Variants in TBC1D8 observed in about 807,000 individuals in gnomAD.
TBC1D8 encodes BUB2-like protein 1.
Under a neutral mutation model 118.8 loss-of-function variants are expected in TBC1D8, and 65 were observed. The observed-to-expected ratio is 0.55, with a 90% CI of 0.45 to 0.67. The LOEUF (loss-of-function observed/expected upper bound fraction) is 0.67, where lower values mean the gene tolerates loss of function less well. Among genes scored for constraint, TBC1D8 ranks in the 30% least tolerant of loss-of-function variants. TBC1D8 has a pLI of 0.00. For missense variants in TBC1D8, 1,376 were observed against 1,471.2 expected (o/e 0.94, Z 1.06); for synonymous variants, 566 against 595.8 (o/e 0.95, Z 0.73).
At chr2:101,018,984 T>G in intron 17 of TBC1D8, 1 of 1,611,320 alleles carries the variant, frequency 6.2e-7, no homozygotes, top group South Asian at 1.1e-5. Flanking sequence ...TCATCTGTAA[T>G]ATTTCTGTGC....
intron 2 of TBC1D8, among the ~76,000 whole-genome samples, chr2:101,081,223 C>A (rs1305766444): frequency 3.9e-5 from 6 of 152,202 alleles, no homozygotes; most frequent in Admixed American, 1.3e-4. Context: ...CACACATACT[C>A]CCTCCCAAGA....
At position 101,008,092 on chromosome 2, in the gene TBC1D8, G is replaced by A; in HGVS notation, c.3197C>T (p.Ser1066Leu). Residue 1066 changes from serine (S) to leucine (L), a missense_variant, in exon 20 of 20, where the codon TCA (serine) becomes TTA (leucine). Ser to Leu is a moderately radical substitution (Grantham distance 145). Coordinates refer to ENST00000409318, the MANE Select transcript of TBC1D8 (RefSeq NM_001330348.2). ...SQECGEELRASAPSPEDSVFA... is the reference protein window; with the variant it reads ...SQECGEELRALAPSPEDSVFA... Reference sequence around the variant, plus strand: ...AACCGAGTCCTCAGGAGAAGGAGCTGAAGCCCGCAGCTCCTCCCCACACTC... The same window carrying A: ...AACCGAGTCCTCAGGAGAAGGAGCTAAAGCCCGCAGCTCCTCCCCACACTC... 1 of 1,613,916 alleles carries A rather than the reference G, an allele frequency of 6.2e-7. No individual in the cohort carries two copies. The highest frequency in any genetic ancestry group is 8.5e-7 in the Non-Finnish European group (1 of 1,179,826).
In TBC1D8 at chr2:101,115,145, G is replaced by GCTAT. The variant is rs144625654; in HGVS notation, c.128-24785_128-24782dup. On this transcript the variant is annotated intron_variant, in intron 1 of 19. Transcript: ENST00000409318. ...AATGACAGCTCATTCTCTCTCTAAG[G>GCTAT]CTATCACACATTATGACAGACAGCG... 8.5e-4 allele frequency among the ~76,000 whole-genome samples: 129 copies of GCTAT among 152,226 alleles called. 1 individual carries two copies. In the East Asian group the frequency reaches 0.021, roughly 25 times the overall value.
chr2:101,150,918 C>G (rs761041602), intron 1 of TBC1D8, among the ~76,000 whole-genome samples: 8 of 152,142 alleles, frequency 5.3e-5, no homozygotes, highest in Non-Finnish European at 5.9e-5. Flanking sequence ...AAAACGCACG[C>G]GCCCGGGAGC....
chr2:101,077,734 A>G (rs1273331489), intron 2 of TBC1D8, among the ~76,000 whole-genome samples: 1 of 152,188 alleles, frequency 6.6e-6, no homozygotes, highest in Non-Finnish European at 1.5e-5. Flanking sequence ...TTAGGAACAC[A>G]GATCCAAACC....
At chr2:101,144,801 G>A (rs1348171826) in intron 1 of TBC1D8, among the ~76,000 whole-genome samples, 2 of 152,084 alleles carry the variant, frequency 1.3e-5, no homozygotes, top group African/African-American at 2.4e-5. Context: ...AGCCGGGTGT[G>A]GTGGTGCGTG....
chr2:101,084,876 T>C lies in TBC1D8; in HGVS notation c.283+5333A>G, dbSNP rs113418862. On this transcript the variant is annotated intron_variant, in intron 2 of 19. Coordinates refer to ENST00000409318, the MANE Select transcript of TBC1D8 (RefSeq NM_001330348.2). ...TTTTTTTTTTTTTTTTGAGACAGAG[T>C]CTCGCTCAGTCACCCAGGCTGGAGT... Among the ~76,000 whole-genome samples, 425 of 137,914 alleles carry C rather than the reference T, an allele frequency of 3.1e-3. 3 individuals carry two copies. Among genetic ancestry groups the C allele is most frequent in the African/African-American group, 0.011 (398 of 36,218 alleles). The allele number at this position is 137,914 out of a possible 152,430, so 90.5% of individuals were successfully genotyped here. A position where few individuals can be genotyped will look rare whatever the true frequency, so the allele number is the denominator to read the frequency against.
intron 5 of TBC1D8, among the ~76,000 whole-genome samples, chr2:101,047,500 G>A (rs928458763): frequency 3.9e-5 from 6 of 152,208 alleles, no homozygotes; most frequent in African/African-American, 1.4e-4. Flanking sequence ...TCTCCTGGCA[G>A]GGCTTCAAGA....
chr2:101,100,213 C>T (rs532934373), intron 1 of TBC1D8, among the ~76,000 whole-genome samples: 2 of 152,066 alleles, frequency 1.3e-5, no homozygotes, highest in South Asian at 4.2e-4. Context: ...TCCTATACAC[C>T]AACAACAGAC....
chr2:101,073,928 A>G (rs1008361619), intron 2 of TBC1D8, among the ~76,000 whole-genome samples: 5 of 152,242 alleles, frequency 3.3e-5, no homozygotes, highest in Admixed American at 1.3e-4. Context: ...CATAGAAGCA[A>G]TAAGTCTGTT....
intron 11 of TBC1D8, among the ~76,000 whole-genome samples, chr2:101,030,294 T>C (rs991248413): frequency 1.3e-5 from 2 of 152,212 alleles, no homozygotes; most frequent in South Asian, 4.1e-4. Flanking sequence ...ACAGAGGTCT[T>C]ATATTCAAAA....
intron 1 of TBC1D8, among the ~76,000 whole-genome samples, chr2:101,131,478 A>G (rs947339534): frequency 6.6e-6 from 1 of 150,858 alleles, no homozygotes; most frequent in African/African-American, 2.4e-5. Context: ...GCGCTATTGC[A>G]GTTCAGCCTG....
At chr2:101,017,841 C>T in intron 17 of TBC1D8, 2 of 1,550,482 alleles carry the variant, frequency 1.3e-6, no homozygotes, top group Non-Finnish European at 1.7e-6. Context: ...GAAGCAGCTA[C>T]ATGCAATTCC....
rs1678832608 is a variant in TBC1D8 at position 101,007,712 on chromosome 2, C to T, written c.*109G>A. 3.6e-6 allele frequency: 4 copies of T among 1,123,118 alleles called. No homozygotes were observed. Among genetic ancestry groups the T allele is most frequent in the Non-Finnish European group, 5.1e-6 (4 of 781,728 alleles). 69.6% of individuals were successfully genotyped at this position (1,123,118 alleles called of 1,614,324 possible). On this transcript the variant is annotated 3_prime_UTR_variant, in exon 20 of 20. Coordinates refer to ENST00000409318, the MANE Select transcript of TBC1D8 (RefSeq NM_001330348.2). Reference sequence around the variant, plus strand: ...GTTTGTCAGGTTGTTTAGCCAGATGCCCCATTGGTAAGGTAGACTGAAATC... The same window carrying T: ...GTTTGTCAGGTTGTTTAGCCAGATGTCCCATTGGTAAGGTAGACTGAAATC...
chr2:101,052,525 G>A (rs948976693), intron 4 of TBC1D8, among the ~76,000 whole-genome samples: 2 of 146,160 alleles, frequency 1.4e-5, no homozygotes, highest in African/African-American at 5.1e-5. Context: ...CACCCAGGCT[G>A]GAGTGCGCTG....
intron 1 of TBC1D8, among the ~76,000 whole-genome samples, chr2:101,150,794 G>GGGCGGCCCCGAGCCC (rs1484164985): frequency 3.3e-5 from 5 of 152,150 alleles, no homozygotes; most frequent in Admixed American, 3.3e-4. Flanking sequence ...CGCTGCTCCA[G>GGGCGGCCCCGAGCCC]GGCGGCCCCG....
chr2:101,121,173 A>G (rs1678083983), intron 1 of TBC1D8, among the ~76,000 whole-genome samples: 1 of 152,244 alleles, frequency 6.6e-6, no homozygotes, highest in African/African-American at 2.4e-5. Context: ...AAAATAAGAG[A>G]AAAAGAATTC....
chr2:101,011,678 A>G (rs1679225253), intron 17 of TBC1D8, 138 bp from the exon 18 acceptor site: 1 of 734,032 alleles, frequency 1.4e-6, no homozygotes. Flanking sequence ...GGGTCCACGA[A>G]CCCAAATGCA....
rs187689016 is a variant in TBC1D8 at position 101,016,928 on chromosome 2, G to A, written c.2827+4753C>T. Among the ~76,000 whole-genome samples the A allele has an allele frequency of 1.3e-3, 203 of 151,032 alleles. 3 individuals carry two copies. The highest frequency in any genetic ancestry group is 4.5e-3 in the African/African-American group (183 of 41,098). ...ATCACACTCTGGGGACTGGTGTGGG[G>A]TTGGGGGGATGGGGGAGGGATAGCA... is the stretch of plus-strand genomic sequence containing the variant. On this transcript the variant is annotated intron_variant, in intron 17 of 19. Transcript: ENST00000409318.
Sources: allele counts gnomAD v4.1 joint callset (sites outside exome capture counted in the v4.1 genomes callset), GRCh38; gene constraint gnomAD v4.1.1; transcripts MANE v1.5; gene names NCBI Gene and HGNC (gene_info 2026-07-23, HGNC 2026-07-21).